PRKCE: variants seen among roughly 807,000 people sequenced by gnomAD.
The protein encoded by PRKCE is protein kinase C epsilon type.
Under a neutral mutation model 85.4 loss-of-function variants are expected in PRKCE, and 16 were observed. The ratio of observed to expected loss-of-function variants is 0.19; its 90% confidence interval spans 0.13 to 0.28. PRKCE has a LOEUF of 0.28. Among genes scored for constraint, PRKCE ranks in the 10% least tolerant of loss-of-function variants. The pLI is 1.00. For missense variants in PRKCE, 573 were observed against 975.2 expected, an observed-to-expected ratio of 0.59 and a Z score of 5.49; for synonymous variants, 388 against 371.5, an observed-to-expected ratio of 1.04 and a Z score of -0.51.
At chr2:45,887,877 C>A (rs1459178302) in intron 2 of PRKCE, among the ~76,000 whole-genome samples, 1 of 152,226 alleles carries the variant, frequency 6.6e-6, no homozygotes, top group Non-Finnish European at 1.5e-5. Flanking sequence ...GCACATCTAA[C>A]TGGCCCAACT....
chr2:46,155,134 G>A lies in PRKCE; in HGVS notation c.1920+3905G>A, dbSNP rs75006885. Among the ~76,000 whole-genome samples, 10,200 of 152,236 alleles carry A rather than the reference G, an allele frequency of 0.067. 361 individuals are homozygous for A. The highest frequency in any genetic ancestry group is 0.082 in the Middle Eastern group (24 of 294). On this transcript the variant is annotated intron_variant, in intron 13 of 14. Coordinates refer to ENST00000306156, the MANE Select transcript of PRKCE (RefSeq NM_005400.3). The surrounding 1 kb of genome is among the most constrained non-coding windows in gnomAD (Gnocchi z 4.7). ...AACGGAGACCCCTCATGATCCCCCA[G>A]CAGCAACGAGGACTTCACCTCACCA...
chr2:46,131,747 G>C (rs56033319), intron 11 of PRKCE, among the ~76,000 whole-genome samples: 19,528 of 152,252 alleles, frequency 0.13, 1,646 homozygotes, highest in Middle Eastern at 0.22. Flanking sequence ...CCCACATGCA[G>C]ACTCTACTGC....
chr2:46,133,745 A>G (rs1449775855), intron 11 of PRKCE, among the ~76,000 whole-genome samples: 1 of 152,188 alleles, frequency 6.6e-6, no homozygotes, highest in African/African-American at 2.4e-5. Flanking sequence ...CTGAGGACCA[A>G]TCTGTGAACA....
intron 2 of PRKCE, among the ~76,000 whole-genome samples, chr2:45,915,739 A>T (rs886463171): frequency 6.6e-6 from 1 of 152,186 alleles, no homozygotes; most frequent in African/African-American, 2.4e-5. Context: ...GTTGATTCAC[A>T]TGTGCCCTTG....
intron 10 of PRKCE, among the ~76,000 whole-genome samples, chr2:46,081,299 T>C (rs1004055903): frequency 1.3e-5 from 2 of 152,218 alleles, no homozygotes; most frequent in African/African-American, 4.8e-5. Context: ...TTTAGATCAC[T>C]CTTTGCTTCT....
chr2:45,781,069 A>G (rs529841145), intron 1 of PRKCE, among the ~76,000 whole-genome samples: 1 of 152,284 alleles, frequency 6.6e-6, no homozygotes, highest in Middle Eastern at 3.4e-3. Flanking sequence ...ATAGTGGCTC[A>G]AGGCTGTAAT....
chr2:46,147,414 T>C (rs1388944624), intron 12 of PRKCE, among the ~76,000 whole-genome samples: 1 of 152,208 alleles, frequency 6.6e-6, no homozygotes, highest in Non-Finnish European at 1.5e-5. Context: ...GCCCATGTTA[T>C]AGTTAAGGAC....
chr2:46,047,146 C>A (rs1323684014), intron 10 of PRKCE, among the ~76,000 whole-genome samples: 1 of 152,186 alleles, frequency 6.6e-6, no homozygotes, highest in African/African-American at 2.4e-5. Flanking sequence ...CCATTTTTAT[C>A]CCTACTTAGA....
chr2:45,843,390 G>A lies in PRKCE; in HGVS notation c.412+327G>A, dbSNP rs73928834. On this transcript the variant is annotated intron_variant, in intron 2 of 14. Transcript: ENST00000306156. ...TGCGTGGGGTTTGTGTGTGTGTGGTGGGAAGGAAGTAAAACCAGTTGGTCT... is the reference window on the plus strand; with the variant it reads ...TGCGTGGGGTTTGTGTGTGTGTGGTAGGAAGGAAGTAAAACCAGTTGGTCT... Among the ~76,000 whole-genome samples the A allele has an allele frequency of 3.6e-3, 543 of 152,282 alleles. 4 individuals carry two copies. Among genetic ancestry groups the A allele is most frequent in the African/African-American group, 0.012 (518 of 41,562 alleles).
intron 1 of PRKCE, among the ~76,000 whole-genome samples, chr2:45,721,585 G>C (rs1287957946): frequency 3.3e-5 from 5 of 152,140 alleles, no homozygotes; most frequent in African/African-American, 1.2e-4. Flanking sequence ...AAAACACATA[G>C]ATGAGAGTTG....
At chr2:46,129,517 C>T (rs769239174) in intron 11 of PRKCE, among the ~76,000 whole-genome samples, 13 of 152,164 alleles carry the variant, frequency 8.5e-5, no homozygotes, top group Non-Finnish European at 1.6e-4. Context: ...CCAAGAACAG[C>T]GCATGTCACG....
chr2:46,061,031 G>A (rs2105122775), intron 10 of PRKCE, among the ~76,000 whole-genome samples: 1 of 151,480 alleles, frequency 6.6e-6, no homozygotes, highest in East Asian at 1.9e-4. Flanking sequence ...CAAAGTGCTG[G>A]GATTACAGGA....
chr2:45,802,614 A>G (rs1330746955), intron 1 of PRKCE, among the ~76,000 whole-genome samples: 2 of 152,198 alleles, frequency 1.3e-5, no homozygotes, highest in Non-Finnish European at 2.9e-5. Flanking sequence ...ACACTATTAA[A>G]AGCAAATGGA....
chr2:46,083,252 ATCC>A (rs1669274514), intron 10 of PRKCE, among the ~76,000 whole-genome samples: 1 of 152,080 alleles, frequency 6.6e-6, no homozygotes, highest in Admixed American at 6.6e-5. Context: ...CGCCCGGCCC[ATCC>A]TCATTTTTAC....
In PRKCE at chr2:45,696,213, C is replaced by T. The variant is rs115001359; in HGVS notation, c.348+43765C>T. ...TCAAGTGATCCTTTCACCTAAGCCT[C>T]CCAAAGCAATGGGCCTATAGGTGTG... On this transcript the variant is annotated intron_variant, in intron 1 of 14. Coordinates refer to ENST00000306156, the MANE Select transcript of PRKCE (RefSeq NM_005400.3). Among the ~76,000 whole-genome samples, 1,031 of 151,646 alleles carry T rather than the reference C, an allele frequency of 6.8e-3. 7 individuals carry two copies. The highest frequency in any genetic ancestry group is 0.024 in the African/African-American group (994 of 41,280).
At chr2:45,870,636 G>C (rs1368722607) in intron 2 of PRKCE, among the ~76,000 whole-genome samples, 3 of 152,198 alleles carry the variant, frequency 2.0e-5, no homozygotes, top group African/African-American at 7.2e-5. Flanking sequence ...AGATGTGTGA[G>C]GTAGTCAAGG....
At chr2:45,692,945 T>C (rs1239665185) in intron 1 of PRKCE, among the ~76,000 whole-genome samples, 1 of 152,202 alleles carries the variant, frequency 6.6e-6, no homozygotes, top group East Asian at 1.9e-4. Flanking sequence ...ACTTTTGGTC[T>C]GGCCTGGGAA....
At chr2:46,092,353 T>C (rs1341846835) in intron 11 of PRKCE, among the ~76,000 whole-genome samples, 1 of 152,192 alleles carries the variant, frequency 6.6e-6, no homozygotes, top group Admixed American at 6.5e-5. Context: ...AGCCTTTTGA[T>C]CTCTAATGAG....
chr2:46,023,089 CAAAAAAA>C (rs397984467), intron 10 of PRKCE, among the ~76,000 whole-genome samples: 5 of 71,494 alleles, frequency 7.0e-5, no homozygotes, highest in Admixed American at 1.6e-4. Flanking sequence ...GACTCCGTCT[CAAAAAAA>C]AAAAAAAAAA....
Sources: allele counts gnomAD v4.1 joint callset (sites outside exome capture counted in the v4.1 genomes callset), GRCh38; gene constraint gnomAD v4.1.1; non-coding constraint Gnocchi (gnomAD v3.1); transcripts MANE v1.5; gene names NCBI Gene and HGNC (gene_info 2026-07-23, HGNC 2026-07-21).